Variants in POC1B observed in about 807,000 individuals in gnomAD.
POC1B encodes the protein POC1 centriolar protein homolog B.
POC1B carries 44 observed loss-of-function variants against 60.6 expected under a neutral mutation model. The observed-to-expected ratio is 0.73, with a 90% CI of 0.57 to 0.93. The LOEUF (loss-of-function observed/expected upper bound fraction) is 0.93. Ranked by LOEUF, POC1B falls within the 40% of genes least tolerant of loss-of-function variation. The pLI is 0.00. For synonymous variants in POC1B, 180 were observed against 198.9 expected (o/e 0.90, Z 0.80); for missense variants, 555 against 572.3 (o/e 0.97, Z 0.31).
At chr12:89,501,760 C>A (rs1398201567) in intron 2 of POC1B, 5 of 933,930 alleles carry the variant, frequency 5.4e-6, no homozygotes, top group Non-Finnish European at 8.9e-6. Context: ...ATTACCACTG[C>A]ATCACAACAG....
intron 2 of POC1B, chr12:89,501,538 C>A: frequency 3.5e-6 from 4 of 1,131,470 alleles, no homozygotes; most frequent in South Asian, 1.5e-5. Flanking sequence ...AATACAGATG[C>A]CACCTGTGGG....
rs745739436 is a variant in POC1B at position 89,523,165 on chromosome 12, G to A, written c.100+1955C>T. 1.9e-6 allele frequency: 3 copies of A among 1,613,638 alleles called. No individual in the cohort carries two copies. In the South Asian group the frequency reaches 3.3e-5, roughly 18 times the overall value. The stretch of plus-strand genomic sequence containing the variant: ...AGCACCTGTGGGGTTGTTGTCAGGA[G>A]AATTATAATCTAAACATTCAGACGA... On this transcript the variant is annotated intron_variant, in intron 2 of 11. Coordinates refer to ENST00000313546, the MANE Select transcript of POC1B (RefSeq NM_172240.3).
chr12:89,509,720 T>A (rs113932249), intron 2 of POC1B, among the ~76,000 whole-genome samples: 3,743 of 152,316 alleles, frequency 0.025, 71 homozygotes, highest in Non-Finnish European at 0.036. Flanking sequence ...GACTCTCTTT[T>A]CCCACAATAA....
intron 2 of POC1B, chr12:89,524,602 G>C: frequency 6.3e-7 from 1 of 1,585,280 alleles, no homozygotes; most frequent in Non-Finnish European, 8.6e-7. Flanking sequence ...CCACGCAGGG[G>C]AAGGGCGGCG....
In POC1B at chr12:89,525,947, G is replaced by T; in HGVS notation, c.-52C>A. On this transcript the variant is annotated 5_prime_UTR_variant, in exon 1 of 12. Coordinates refer to ENST00000313546, the MANE Select transcript of POC1B (RefSeq NM_172240.3). ...TGTGGGTGGGGGAACCCGGAGAGGG[G>T]AGGGGAGAGGATGGGGAAGGAGAGG... 1 of 1,538,372 alleles carries T rather than the reference G, an allele frequency of 6.5e-7. No individual in the cohort carries two copies. The highest frequency in any genetic ancestry group is 8.8e-7 in the Non-Finnish European group (1 of 1,140,340).
chr12:89,427,836 C>T (rs1880837700), intron 10 of POC1B: 1 of 152,234 alleles, frequency 6.6e-6, no homozygotes, highest in South Asian at 2.1e-4. Context: ...AGGCTCCTAA[C>T]AATCACAGAT....
intron 10 of POC1B, among the ~76,000 whole-genome samples, chr12:89,455,947 A>G (rs182511676): frequency 3.3e-5 from 5 of 152,336 alleles, no homozygotes; most frequent in African/African-American, 1.2e-4. Flanking sequence ...AGATAAAAAA[A>G]GTAATAACCC....
chr12:89,516,570 C>T (rs1199846292), intron 2 of POC1B, among the ~76,000 whole-genome samples: 1 of 152,164 alleles, frequency 6.6e-6, no homozygotes, highest in Admixed American at 6.5e-5. Flanking sequence ...ATGTTATTCC[C>T]TTACTAATCC....
intron 7 of POC1B, 54 bp downstream of exon 7, chr12:89,470,307 T>C (rs1882838046): frequency 1.0e-6 from 1 of 989,788 alleles, no homozygotes. Flanking sequence ...AAATTTAAAA[T>C]ATATATTATT....
chr12:89,407,326 G>C, the POC1B span, among the ~76,000 whole-genome samples: 1 of 151,548 alleles, frequency 6.6e-6, no homozygotes, highest in African/African-American at 2.4e-5. Flanking sequence ...TCCGCCTCCC[G>C]GGTTCAAGCG....
At chr12:89,466,223 T>C (rs1028574901) in intron 9 of POC1B, among the ~76,000 whole-genome samples, 7 of 152,194 alleles carry the variant, frequency 4.6e-5, no homozygotes, top group African/African-American at 1.7e-4. Flanking sequence ...GCTTAAATCA[T>C]AACACTTAAA....
intron 2 of POC1B, chr12:89,502,171 A>G: frequency 8.7e-7 from 1 of 1,150,834 alleles, no homozygotes; most frequent in Non-Finnish European, 1.3e-6. Context: ...TTCCAGGCTC[A>G]ATAATAATTA....
At chr12:89,493,246 A>G (rs1869074318) in intron 3 of POC1B, among the ~76,000 whole-genome samples, 1 of 152,220 alleles carries the variant, frequency 6.6e-6, no homozygotes, top group Non-Finnish European at 1.5e-5. Flanking sequence ...TTTGCTTACT[A>G]CATTATACAG....
At position 89,420,680 on chromosome 12, in the gene POC1B, A is replaced by G. The variant is rs1880492890; in HGVS notation, c.*473T>C. 1 of 152,600 alleles carries G rather than the reference A, an allele frequency of 6.6e-6. No homozygotes were observed. The highest frequency in any genetic ancestry group is 2.1e-4 in the South Asian group (1 of 4,834). 9.5% of individuals were successfully genotyped at this position (152,600 alleles called of 1,614,324 possible). ...TAAGAAAGGATAATTTCTATTTTGA[A>G]CAGAAAGACATACAACTAGTCAGAT... On this transcript the variant is annotated 3_prime_UTR_variant, in exon 12 of 12. Coordinates refer to ENST00000313546, the MANE Select transcript of POC1B (RefSeq NM_172240.3).
rs1278560259 is a variant in POC1B, at chr12:89,421,026, T to C, written c.*127A>G. 1 of 676,042 alleles carries C rather than the reference T, an allele frequency of 1.5e-6. No individual in the cohort carries two copies. Among genetic ancestry groups the C allele is most frequent in the East Asian group, 2.8e-5 (1 of 36,192 alleles). The allele number at this position is 676,042 out of a possible 1,614,324, so 41.9% of individuals were successfully genotyped here. A position where few individuals can be genotyped will look rare whatever the true frequency, so the allele number is the denominator to read the frequency against. ...GCCTTTTGTTCTGTTGCTCACCCTT[T>C]TAAGAAATGCCATGATAAATAGCAC... On this transcript the variant is annotated 3_prime_UTR_variant, in exon 12 of 12. Coordinates refer to ENST00000313546, the MANE Select transcript of POC1B (RefSeq NM_172240.3).
intron 4 of POC1B, among the ~76,000 whole-genome samples, chr12:89,475,910 C>CTT (rs972058107): frequency 0.11 from 9,356 of 85,968 alleles, 1,058 homozygotes; most frequent in East Asian, 0.29. Context: ...TGAGGGAATT[C>CTT]TTTTTTTTTT....
At chr12:89,455,900 A>G (rs61344428) in intron 10 of POC1B, among the ~76,000 whole-genome samples, 4,244 of 152,310 alleles carry the variant, frequency 0.028, 178 homozygotes, top group African/African-American at 0.091. Flanking sequence ...AAGACAAACA[A>G]TAAAACTAAT....
chr12:89,483,214 TATA>T (rs1268301012), intron 4 of POC1B, among the ~76,000 whole-genome samples: 2 of 152,192 alleles, frequency 1.3e-5, no homozygotes, highest in Admixed American at 1.3e-4. Context: ...CTATTCTTTT[TATA>T]ATGAGTGAGT....
chr12:89,422,767 A>G (rs1193485461), intron 11 of POC1B, among the ~76,000 whole-genome samples: 3 of 152,202 alleles, frequency 2.0e-5, no homozygotes, highest in Non-Finnish European at 4.4e-5. Context: ...TGGTTACCTA[A>G]TGGTAGAGTT....
Sources: allele counts gnomAD v4.1 joint callset (sites outside exome capture counted in the v4.1 genomes callset), GRCh38; gene constraint gnomAD v4.1.1; transcripts MANE v1.5; gene names NCBI Gene and HGNC (gene_info 2026-07-23, HGNC 2026-07-21).